SRRM3: variants seen among roughly 807,000 people sequenced by gnomAD.
SRRM3 encodes the protein serine/arginine repetitive matrix 3.
A neutral mutation model predicts 66.2 loss-of-function variants in SRRM3; 27 were observed. The observed-to-expected ratio is 0.41, with a 90% CI of 0.30 to 0.56. The LOEUF (loss-of-function observed/expected upper bound fraction) is 0.56. Among genes scored for constraint, SRRM3 ranks in the 20% least tolerant of loss-of-function variants. SRRM3 has a pLI of 0.32. For missense variants in SRRM3, 918 were observed against 991.9 expected (o/e 0.93, Z 1.00); for synonymous variants, 391 against 414.9 (o/e 0.94, Z 0.70).
At chr7:76,220,898 C>G (rs912489471) in intron 1 of SRRM3, among the ~76,000 whole-genome samples, 17 of 152,146 alleles carry the variant, frequency 1.1e-4, no homozygotes, top group Admixed American at 2.6e-4. Context: ...TCCCCTCCCC[C>G]CACCGCGTCT....
chr7:76,255,880 T>G (rs1183014363), intron 3 of SRRM3, among the ~76,000 whole-genome samples: 1 of 152,196 alleles, frequency 6.6e-6, no homozygotes, highest in Admixed American at 6.5e-5. Flanking sequence ...TTGCAGCGTC[T>G]TTTCTCCCCG....
intron 11 of SRRM3, among the ~76,000 whole-genome samples, chr7:76,277,296 T>G (rs1802373391): frequency 6.6e-6 from 1 of 152,128 alleles, no homozygotes; most frequent in African/African-American, 2.4e-5. Context: ...ACTCTCAGCA[T>G]AATGTAGTGG....
chr7:76,223,417 G>A (rs1554603422), intron 1 of SRRM3, among the ~76,000 whole-genome samples: 1 of 152,216 alleles, frequency 6.6e-6, no homozygotes, highest in Non-Finnish European at 1.5e-5. Flanking sequence ...TGTCATGGCT[G>A]CACCTGGCTT....
chr7:76,267,635 G>A, intron 11 of SRRM3, 200 bp downstream of exon 11: 2 of 447,400 alleles, frequency 4.5e-6, no homozygotes, highest in Non-Finnish European at 7.4e-6. Context: ...CGCCCACCTG[G>A]CCCTGGTGTC....
chr7:76,261,547 T>A lies in SRRM3; in HGVS notation c.640T>A (p.Ser214Thr). The change falls in exon 8 of 15, where the codon TCT becomes ACT. Residue 214 changes from serine to threonine, a missense_variant and splice_region_variant. Ser to Thr is a moderately conservative substitution (Grantham distance 58). Coordinates refer to ENST00000611745, the MANE Select transcript of SRRM3 (RefSeq NM_001110199.3). ...GAGAACTCCTTTATCGCCCTACAGG[T>A]CTGATTCTGGGTCCCGGAGGAAGAG... Reference protein sequence around the residue: ...KSVKKHRRDRSDSGSRRKRRH... With the variant: ...KSVKKHRRDRTDSGSRRKRRH... 6.2e-7 allele frequency: 1 copy of A among 1,611,178 alleles called. No individual in the cohort carries two copies. Among genetic ancestry groups the A allele is most frequent in the Non-Finnish European group, 8.5e-7 (1 of 1,178,810 alleles).
chr7:76,216,899 C>T (rs1280571142), intron 1 of SRRM3, among the ~76,000 whole-genome samples: 1 of 152,238 alleles, frequency 6.6e-6, no homozygotes, highest in Non-Finnish European at 1.5e-5. Flanking sequence ...GCCCGACTCT[C>T]TCTTTGATCT....
rs543592817 is a variant in SRRM3, at chr7:76,222,278, C to T, written c.-39-12750C>T. ...AAAACTAGCTGGACATGGTTGTATG[C>T]ACCTGTGTGTAGTAGTGGCCAGCTA... On this transcript the variant is annotated intron_variant, in intron 1 of 14. Transcript: ENST00000611745. 1.1e-4 allele frequency among the ~76,000 whole-genome samples: 17 copies of T among 152,114 alleles called. No homozygotes were observed. In the South Asian group the frequency reaches 3.3e-3, roughly 30 times the overall value.
intron 3 of SRRM3, among the ~76,000 whole-genome samples, chr7:76,251,800 T>C (rs1801589142): frequency 6.6e-6 from 1 of 151,596 alleles, no homozygotes; most frequent in Non-Finnish European, 1.5e-5. Flanking sequence ...CTGTGGTTCA[T>C]ACCTGTAATC....
intron 11 of SRRM3, among the ~76,000 whole-genome samples, chr7:76,276,165 G>A (rs1208484997): frequency 3.3e-5 from 5 of 152,064 alleles, no homozygotes; most frequent in African/African-American, 1.2e-4. Context: ...GGGGCTCCTG[G>A]GAACAGGGCT....
chr7:76,282,689 C>G lies in SRRM3; in HGVS notation c.1412C>G (p.Ser471Cys). The G allele has an allele frequency of 7.0e-7, 1 of 1,427,742 alleles. No homozygotes were observed. Among genetic ancestry groups the G allele is most frequent in the Non-Finnish European group, 9.1e-7 (1 of 1,097,436 alleles). The allele number at this position is 1,427,742 out of a possible 1,614,324, so 88.4% of individuals were successfully genotyped here. Residue 471 changes from serine (S) to cysteine (C), a missense_variant, in exon 13 of 15, where the codon TCT (serine) becomes TGT (cysteine). Coordinates refer to ENST00000611745, the MANE Select transcript of SRRM3 (RefSeq NM_001110199.3). ...CCGCGCGCGCGGCCCGCCAGCACCT[C>G]TCCGTCCCCGGGCGCGCACGGCCGG... is the stretch of plus-strand genomic sequence containing the variant. ...RPPRARPAST[S>C]PSPGAHGRRG...
At chr7:76,233,586 G>A (rs967094902) in intron 1 of SRRM3, among the ~76,000 whole-genome samples, 5 of 152,176 alleles carry the variant, frequency 3.3e-5, no homozygotes, top group Admixed American at 6.5e-5. Context: ...CGGGACAGAG[G>A]CGGGAAGCCA....
intron 10 of SRRM3, among the ~76,000 whole-genome samples, chr7:76,266,525 T>A (rs189933876): frequency 4.5e-5 from 5 of 111,826 alleles, no homozygotes; most frequent in Non-Finnish European, 6.6e-5. Flanking sequence ...TTATATATTA[T>A]ATATTTAATA....
intron 2 of SRRM3, among the ~76,000 whole-genome samples, chr7:76,241,196 C>T (rs145255296): frequency 2.2e-3 from 331 of 152,314 alleles, no homozygotes; most frequent in Non-Finnish European, 3.4e-3. Context: ...TGTGCCCGGC[C>T]TAGAAACCCT....
chr7:76,225,369 T>C (rs782671062), intron 1 of SRRM3, among the ~76,000 whole-genome samples: 1 of 152,062 alleles, frequency 6.6e-6, no homozygotes, highest in Non-Finnish European at 1.5e-5. Flanking sequence ...CCTTTGAGCG[T>C]GTGGAGGCTC....
intron 11 of SRRM3, among the ~76,000 whole-genome samples, chr7:76,281,162 C>A (rs1298383285): frequency 6.6e-6 from 1 of 150,798 alleles, no homozygotes; most frequent in Non-Finnish European, 1.5e-5. Flanking sequence ...CTCCCTCTTT[C>A]TTTCTTCTCT....
At chr7:76,216,664 G>T (rs769602870) in intron 1 of SRRM3, among the ~76,000 whole-genome samples, 3 of 152,228 alleles carry the variant, frequency 2.0e-5, no homozygotes, top group Non-Finnish European at 4.4e-5. Context: ...ATGGACAGGG[G>T]AATTGCTTTC....
chr7:76,227,741 G>A (rs1327101149), intron 1 of SRRM3, among the ~76,000 whole-genome samples: 1 of 152,234 alleles, frequency 6.6e-6, no homozygotes, highest in African/African-American at 2.4e-5. Context: ...ATAACGTGAG[G>A]CCAAGAGTAG....
At chr7:76,234,398 T>C (rs1318129861) in intron 1 of SRRM3, among the ~76,000 whole-genome samples, 4 of 152,168 alleles carry the variant, frequency 2.6e-5, no homozygotes, top group African/African-American at 9.7e-5. Context: ...GAGGGGATAG[T>C]CTTGTGGGCC....
chr7:76,204,000 A>G (rs1800227645), intron 1 of SRRM3, among the ~76,000 whole-genome samples: 1 of 152,040 alleles, frequency 6.6e-6, no homozygotes, highest in Admixed American at 6.5e-5. Context: ...CTACCCCGTC[A>G]CACCTGCCAA....
Sources: gnomAD v4.1 joint callset for allele counts (sites outside exome capture counted in the v4.1 genomes callset) on GRCh38, gnomAD v4.1.1 for gene constraint, MANE v1.5 for transcripts, NCBI Gene and HGNC (gene_info 2026-07-23, HGNC 2026-07-21) for gene names.